Variants in ISOC2 observed in about 807,000 individuals in gnomAD.
The protein encoded by ISOC2 is isochorismatase domain containing 2.
In ISOC2, 15 loss-of-function variants were observed where a neutral mutation model predicts 19.3. The ratio of observed to expected loss-of-function variants is 0.78; its 90% CI spans 0.52 to 1.20. The LOEUF (loss-of-function observed/expected upper bound fraction) is 1.20. ISOC2 is among the 50% of genes most tolerant of loss of function. ISOC2 has a pLI of 0.00. For missense variants in ISOC2, 285 were observed against 272.4 expected (o/e 1.05, Z -0.33); for synonymous variants, 106 against 115.8 (o/e 0.92, Z 0.54).
chr19:55,458,878 T>G (rs749162584), intron 1 of ISOC2, among the ~76,000 whole-genome samples: 51 of 151,716 alleles, frequency 3.4e-4, no homozygotes, highest in Non-Finnish European at 5.7e-4. Flanking sequence ...GTTCCTTGTC[T>G]TTCTTTCTCT....
chr19:55,457,563 A>T (rs1053082495), intron 1 of ISOC2, among the ~76,000 whole-genome samples: 32 of 150,120 alleles, frequency 2.1e-4, no homozygotes, highest in African/African-American at 7.4e-4. Context: ...GCTTGGTGGC[A>T]CACGCCTGTA....
At chr19:55,455,552 G>T in intron 3 of ISOC2, 84 bp downstream of exon 3, 1 of 1,249,918 alleles carries the variant, frequency 8.0e-7, no homozygotes, top group Non-Finnish European at 1.1e-6. Flanking sequence ...GGAAGTGGAG[G>T]TTTCTGGTCA....
In ISOC2 at chr19:55,456,469, G is replaced by A. The variant is rs1363144533; in HGVS notation, c.18C>T (p.Pro6=). ...ATCCTGGGAGGACTCGGCCCAGGCT[G>A]GGCCTGGCAGCCGCCATTTTCTGGG... MAAAR[P]SLGRVLPGSS... is the part of the protein sequence containing the mutation. Residue 6 remains proline (P), a synonymous_variant, in exon 2 of 6, where the codon CCC becomes CCT. Transcript: ENST00000425675. The A allele has an allele frequency of 6.2e-7, 1 of 1,613,590 alleles. No homozygotes were observed. Among genetic ancestry groups the A allele is most frequent in the Admixed American group, 1.7e-5 (1 of 59,992 alleles).
At chr19:55,456,741 G>A (rs149013046) in intron 1 of ISOC2, among the ~76,000 whole-genome samples, 86 of 152,294 alleles carry the variant, frequency 5.6e-4, no homozygotes, top group Non-Finnish European at 1.0e-3. Flanking sequence ...GGCTCCGGGT[G>A]TCCCTCTCCT....
intron 1 of ISOC2, among the ~76,000 whole-genome samples, chr19:55,461,181 G>T (rs754663583): frequency 6.6e-6 from 1 of 152,244 alleles, no homozygotes. Flanking sequence ...TAGGGCCGTT[G>T]ATTTCCCCAC....
At chr19:55,456,218 C>T (rs962137164) in intron 2 of ISOC2, 131 bp downstream of exon 2, 32 of 575,990 alleles carry the variant, frequency 5.6e-5, no homozygotes, top group Non-Finnish European at 8.6e-5. Context: ...AGCCTGGATC[C>T]TGGGTCTGAG....
intron 5 of ISOC2, chr19:55,454,509 C>G (rs543279826): frequency 1.2e-5 from 2 of 160,952 alleles, no homozygotes; most frequent in African/African-American, 4.8e-5. Context: ...CCTGGCTGAC[C>G]CCGGTAGCAG....
chr19:55,453,283 T>C lies in ISOC2; in HGVS notation c.*25A>G. Reference sequence around the variant, plus strand: ...TGAGGTCCGGGTGACAGGAGGGTGGTCTTCCCTCAAGGCAGGGTTGGAGTT... The same window carrying C: ...TGAGGTCCGGGTGACAGGAGGGTGGCCTTCCCTCAAGGCAGGGTTGGAGTT... On this transcript the variant is annotated 3_prime_UTR_variant, in exon 6 of 6. Coordinates refer to ENST00000425675, the MANE Select transcript of ISOC2 (RefSeq NM_001136201.2). The C allele has an allele frequency of 1.3e-6, 2 of 1,560,332 alleles. No individual in the cohort carries two copies. Among genetic ancestry groups the C allele is most frequent in the Non-Finnish European group, 1.7e-6 (2 of 1,143,010 alleles).
At chr19:55,455,220 T>C (rs372694914) in intron 4 of ISOC2, 40 bp downstream of exon 4, 2 of 1,572,186 alleles carry the variant, frequency 1.3e-6, no homozygotes, top group Non-Finnish European at 1.7e-6. Context: ...GAGCCCCTGA[T>C]GGCCCCCACG....
intron 1 of ISOC2, among the ~76,000 whole-genome samples, chr19:55,460,624 TC>T (rs1986204170): frequency 6.6e-6 from 1 of 152,184 alleles, no homozygotes; most frequent in Non-Finnish European, 1.5e-5. Flanking sequence ...CGGCGGGAGA[TC>T]CTGGGATGTG....
chr19:55,456,587 C>A, intron 1 of ISOC2, 98 bp from the exon 2 acceptor site: 2 of 1,484,138 alleles, frequency 1.3e-6, no homozygotes, highest in Non-Finnish European at 9.0e-7. Context: ...TGGCAGGGCC[C>A]GGGGCACCTT....
At chr19:55,460,493 T>G (rs1003906951) in intron 1 of ISOC2, among the ~76,000 whole-genome samples, 1 of 152,200 alleles carries the variant, frequency 6.6e-6, no homozygotes, top group African/African-American at 2.4e-5. Context: ...TGCAACAAGT[T>G]GTCTAGTCAA....
chr19:55,460,601 A>G (rs1986203262), intron 1 of ISOC2, among the ~76,000 whole-genome samples: 1 of 152,244 alleles, frequency 6.6e-6, no homozygotes, highest in Non-Finnish European at 1.5e-5. Context: ...GACCACAGTG[A>G]TGGAAACGAC....
chr19:55,456,419 A>G lies in ISOC2; in HGVS notation c.68T>C (p.Met23Thr). ...PGSSVLFLCD[M>T]QEKFRHNIAY... ...GATGTTGTGGCGGAACTTCTCCTGC[A>G]TGTCACACAGGAACAGGACAGAGGA... The change falls in exon 2 of 6, where the codon ATG (methionine) becomes ACG (threonine). Residue 23 changes from methionine (M) to threonine (T), a missense_variant. Met to Thr is a moderately conservative substitution (Grantham distance 81, BLOSUM62 -1). Transcript: ENST00000425675. 1 of 1,613,804 alleles carries G rather than the reference A, an allele frequency of 6.2e-7. No homozygotes were observed. The highest frequency in any genetic ancestry group is 1.1e-5 in the South Asian group (1 of 91,076).
chr19:55,460,952 A>G (rs1011068589), intron 1 of ISOC2, among the ~76,000 whole-genome samples: 2 of 152,100 alleles, frequency 1.3e-5, no homozygotes, highest in East Asian at 1.9e-4. Context: ...GAGGGGCATG[A>G]TCTGAAGATT....
At chr19:55,455,520 G>GGCCTTGTGGGTACTGCTCC in intron 3 of ISOC2, 116 bp downstream of exon 3, 1 of 1,109,100 alleles carries the variant, frequency 9.0e-7, no homozygotes, top group Non-Finnish European at 1.3e-6. Flanking sequence ...AGAGGGCCCA[G>GGCCTTGTGGGTACTGCTCC]GTCAGGATGG....
At chr19:55,457,831 CA>C (rs58948220) in intron 1 of ISOC2, among the ~76,000 whole-genome samples, 95 of 122,350 alleles carry the variant, frequency 7.8e-4, no homozygotes, top group Middle Eastern at 4.5e-3. Flanking sequence ...AACTCCATCT[CA>C]AAAAAAAAAA....
intron 3 of ISOC2, 83 bp from the exon 4 acceptor site, chr19:55,455,413 AG>A (rs778691718): frequency 1.9e-6 from 3 of 1,555,006 alleles, no homozygotes; most frequent in Non-Finnish European, 2.7e-6. Context: ...AGTCAGAATT[AG>A]GGGCCCAGAA....
Position 55,453,378 on chromosome 19 carries a change from A to G in ISOC2, c.548T>C (p.Leu183Pro). The change falls in exon 6 of 6, where the codon CTC (leucine) becomes CCC (proline). Residue 183 changes from leucine to proline, a missense_variant. Coordinates refer to ENST00000425675, the MANE Select transcript of ISOC2 (RefSeq NM_001136201.2). ...VHPQFKEIQK[L>P]IKEPAPDSGL... Reference sequence around the variant, plus strand: ...GCTGTCTGGGGCGGGCTCCTTGATGAGTTTCTGGATCTGTAAGGGCAGGGG... The same window carrying G: ...GCTGTCTGGGGCGGGCTCCTTGATGGGTTTCTGGATCTGTAAGGGCAGGGG... The G allele has an allele frequency of 6.2e-7, 1 of 1,602,598 alleles. No individual in the cohort carries two copies. The highest frequency in any genetic ancestry group is 8.5e-7 in the Non-Finnish European group (1 of 1,175,076).
Sources: allele counts gnomAD v4.1 joint callset (sites outside exome capture counted in the v4.1 genomes callset), GRCh38; gene constraint gnomAD v4.1.1; transcripts MANE v1.5; gene names NCBI Gene and HGNC (gene_info 2026-07-23, HGNC 2026-07-21).